The following ATF3 variants were observed in gnomAD, a reference collection of about 807,000 sequenced individuals.
ATF3 encodes activating transcription factor 3, also known as cyclic AMP-dependent transcription factor ATF-3.
Under a neutral mutation model 18.4 loss-of-function variants are expected in ATF3, and 10 were observed. That is an observed-to-expected ratio of 0.54 (90% CI 0.34 to 0.92). ATF3 has a LOEUF of 0.92. Ranked by LOEUF, ATF3 falls within the 40% of genes least tolerant of loss-of-function variation. The probability of loss-of-function intolerance (pLI) is 0.02; values close to 1 mark genes in which losing one functional copy is unlikely to be tolerated. For missense variants in ATF3, 183 were observed against 222.3 expected, an observed-to-expected ratio of 0.82 and a Z score of 1.12; for synonymous variants, 78 against 87.9, an observed-to-expected ratio of 0.89 and a Z score of 0.63.
chr1:212,591,752 TATCTC>T (rs1338140694), intron 1 of ATF3, among the ~76,000 whole-genome samples: 1 of 152,212 alleles, frequency 6.6e-6, no homozygotes, highest in Non-Finnish European at 1.5e-5. Context: ...TTGCCAATCT[TATCTC>T]ATCTCCCCTT....
intron 1 of ATF3, among the ~76,000 whole-genome samples, chr1:212,574,273 A>C (rs925830104): frequency 1.3e-5 from 2 of 151,862 alleles, no homozygotes; most frequent in Non-Finnish European, 2.9e-5. Flanking sequence ...TATTTTAATT[A>C]TCTTCTAACT....
In ATF3 at chr1:212,571,024, T is replaced by G. The variant is rs1664469514; in HGVS notation, c.-5+5541T>G. Among the ~76,000 whole-genome samples, 4 of 152,360 alleles carry G rather than the reference T, an allele frequency of 2.6e-5. No homozygotes were observed. The South Asian group carries it at 8.3e-4, about 32-fold the overall frequency. On this transcript the variant is annotated intron_variant, in intron 1 of 3. Transcript: ENST00000366981. ...GCATAGGATAGATGTATATTTCATT[T>G]TATAAGAAACTACCAGCCTTTTCTC...
rs972327221 is a variant in ATF3 at position 212,618,153 on chromosome 1, A to G, written c.267A>G (p.Lys89=). 3.1e-6 allele frequency: 5 copies of G among 1,614,076 alleles called. No homozygotes were observed. The Admixed American group carries it at 5.0e-5, about 16-fold the overall frequency. The change falls in exon 3 of 4, where the codon AAA becomes AAG. Residue 89 remains lysine, a synonymous_variant. Transcript: ENST00000341491. The surrounding 1 kb of genome is among the most constrained non-coding windows in gnomAD (Gnocchi z 4.4). ...TAGCCCCTGAAGAAGATGAAAGGAAAAAGAGGCGACGAGAAAGAAATAAGA... is the reference window on the plus strand; with the variant it reads ...TAGCCCCTGAAGAAGATGAAAGGAAGAAGAGGCGACGAGAAAGAAATAAGA... ...AEVAPEEDER[K]KRRRERNKIA... is the part of the protein sequence containing the mutation.
intron 1 of ATF3, among the ~76,000 whole-genome samples, chr1:212,609,312 C>G (rs1392204340): frequency 6.7e-6 from 1 of 149,248 alleles, no homozygotes; most frequent in Non-Finnish European, 1.5e-5. Context: ...GGCTGCCTCG[C>G]TCGCCGTCCC....
chr1:212,601,273 GC>G (rs1654477655), intron 1 of ATF3, among the ~76,000 whole-genome samples: 1 of 152,198 alleles, frequency 6.6e-6, no homozygotes, highest in African/African-American at 2.4e-5. Flanking sequence ...TGCAAATTTG[GC>G]AGGGGGGAAA....
At position 212,592,939 on chromosome 1, in the gene ATF3, G is replaced by A. The variant is rs530252746; in HGVS notation, c.-4-22079G>A. ...TTTGACCCAGCCATCCCATTACTGG[G>A]TATATACCCAAAGGAATATAAATCA... is the stretch of plus-strand genomic sequence containing the variant. On this transcript the variant is annotated intron_variant, in intron 1 of 3. Coordinates refer to the ATF3 transcript ENST00000366981. 4.6e-5 allele frequency among the ~76,000 whole-genome samples: 7 copies of A among 152,096 alleles called. No individual in the cohort carries two copies. In the South Asian group the frequency reaches 1.2e-3, roughly 27 times the overall value.
intron 1 of ATF3, among the ~76,000 whole-genome samples, chr1:212,609,771 T>C (rs1654818145): frequency 6.6e-6 from 1 of 152,154 alleles, no homozygotes; most frequent in African/African-American, 2.4e-5. Context: ...TGTGCAGATA[T>C]TTGAGAGAAT....
intron 1 of ATF3, among the ~76,000 whole-genome samples, chr1:212,598,974 A>C (rs1654400328): frequency 6.6e-6 from 1 of 152,182 alleles, no homozygotes; most frequent in South Asian, 2.1e-4. Flanking sequence ...TTGGGTATAT[A>C]CTCAGCAGTA....
rs542219566 is a variant in ATF3 at position 212,614,601 on chromosome 1, AAAG to A, written c.-4-415_-4-413del. Among the ~76,000 whole-genome samples, 448 of 148,410 alleles carry A rather than the reference AAAG, an allele frequency of 3.0e-3. 2 individuals are homozygous for A. Among genetic ancestry groups the A allele is most frequent in the African/African-American group, 9.8e-3 (393 of 39,954 alleles). The stretch of plus-strand genomic sequence containing the variant: ...TTTTGAGTAATATACAAAAAAAAAA[AAAG>A]AGAGAGAGAGAGAAAGAAAAAGAAG... On this transcript the variant is annotated intron_variant, in intron 1 of 3. Transcript: ENST00000341491.
chr1:212,611,695 A>G (rs559764648), intron 1 of ATF3, among the ~76,000 whole-genome samples: 33 of 152,366 alleles, frequency 2.2e-4, no homozygotes, highest in Non-Finnish European at 4.7e-4. Context: ...AAAGAGGATG[A>G]AAATTAAAAG....
chr1:212,570,065 A>T (rs1404698446), intron 1 of ATF3, among the ~76,000 whole-genome samples: 1 of 152,150 alleles, frequency 6.6e-6, no homozygotes, highest in Non-Finnish European at 1.5e-5. Context: ...ATCTGTTGGA[A>T]TCTTAATATC....
chr1:212,581,037 G>A (rs1664674804), intron 1 of ATF3, among the ~76,000 whole-genome samples: 1 of 151,624 alleles, frequency 6.6e-6, no homozygotes, highest in Non-Finnish European at 1.5e-5. Context: ...CCAAAGTGAT[G>A]GGATGACAGG....
At chr1:212,588,639 A>AACC (rs141226993) in intron 1 of ATF3, among the ~76,000 whole-genome samples, 4 of 151,832 alleles carry the variant, frequency 2.6e-5, no homozygotes, top group South Asian at 2.1e-4. Context: ...CAACAACCAC[A>AACC]ACAACAAAAA....
chr1:212,599,665 C>T (rs1654417566), intron 1 of ATF3, among the ~76,000 whole-genome samples: 1 of 152,164 alleles, frequency 6.6e-6, no homozygotes, highest in Non-Finnish European at 1.5e-5. Context: ...AGCATTTTGT[C>T]CCGAAATGCC....
Position 212,597,451 on chromosome 1 carries a change from C to CTATCTATCT in ATF3, c.-4-17567_-4-17566insTATCTATCT, listed in dbSNP as rs1553302898. ...TCTATCTATCTATCTATCTATCTATCATCTATCTCTCTATCTAGCTAGCTA... is the reference window on the plus strand; with the variant it reads ...TCTATCTATCTATCTATCTATCTATCTATCTATCTATCTATCTCTCTATCTAGCTAGCTA... On this transcript the variant is annotated intron_variant, in intron 1 of 3. Coordinates refer to the ATF3 transcript ENST00000366981. 1.0e-4 allele frequency among the ~76,000 whole-genome samples: 12 copies of CTATCTATCT among 114,344 alleles called. No individual in the cohort carries two copies. In the Admixed American group the frequency reaches 1.2e-3, roughly 11 times the overall value. 75.0% of individuals were successfully genotyped at this position (114,344 alleles called of 152,430 possible). A position where few individuals can be genotyped will look rare whatever the true frequency, so the allele number is the denominator to read the frequency against.
intron 1 of ATF3, among the ~76,000 whole-genome samples, chr1:212,603,016 G>A (rs756505732): frequency 3.3e-5 from 5 of 152,218 alleles, no homozygotes; most frequent in Non-Finnish European, 7.3e-5. Flanking sequence ...GTACACCTGT[G>A]TGTGCTCATG....
chr1:212,603,918 T>C (rs1367638898), upstream of ATF3, among the ~76,000 whole-genome samples: 2 of 152,090 alleles, frequency 1.3e-5, no homozygotes, highest in African/African-American at 4.8e-5. Flanking sequence ...GTGCATGCAA[T>C]CTAAAATCAT....
chr1:212,576,726 T>TTTTC (rs1553301026), intron 1 of ATF3, among the ~76,000 whole-genome samples: 3 of 123,266 alleles, frequency 2.4e-5, no homozygotes, highest in Non-Finnish European at 5.2e-5. Context: ...CTTTTCTTTT[T>TTTTC]TTTTTTTTTT....
intron 1 of ATF3, among the ~76,000 whole-genome samples, chr1:212,566,306 G>C (rs1467239380): frequency 6.6e-6 from 1 of 152,106 alleles, no homozygotes; most frequent in Non-Finnish European, 1.5e-5. Context: ...CTGTGGTTCT[G>C]TTGTTGGCAC....
Sources: gnomAD v4.1 joint callset for allele counts (sites outside exome capture counted in the v4.1 genomes callset) on GRCh38, gnomAD v4.1.1 for gene constraint, Gnocchi (gnomAD v3.1) non-coding constraint, MANE v1.5 for transcripts, NCBI Gene and HGNC (gene_info 2026-07-23, HGNC 2026-07-21) for gene names.